Variants in TCHH observed in about 807,000 individuals in gnomAD.
TCHH encodes the protein trichohyalin.
TCHH carries 6 observed loss-of-function variants against 6.3 expected under a neutral mutation model. The ratio of observed to expected loss-of-function variants is 0.95; its 90% confidence interval spans 0.52 to 1.88. The LOEUF (loss-of-function observed/expected upper bound fraction) is 1.88. Among genes scored for constraint, TCHH ranks in the 40% most tolerant of loss-of-function variants. The pLI, the probability that TCHH is intolerant of heterozygous loss-of-function variation, is 0.01. For synonymous variants in TCHH, 1,087 were observed against 963.6 expected, an observed-to-expected ratio of 1.13 and a Z score of -2.37; for missense variants, 2,920 against 2,449.1, an observed-to-expected ratio of 1.19 and a Z score of -4.06.
rs1346452302 is a variant in TCHH, at chr1:152,107,351, G to T, written c.*34C>A. On this transcript the variant is annotated 3_prime_UTR_variant, in exon 3 of 3. Transcript: ENST00000614923. ...TGTTTCTCATTTTCCCGTGCTCGAA[G>T]CTTTGGCAGGTGTCAAGATATTGGC... The T allele has an allele frequency of 6.6e-7, 1 of 1,510,574 alleles. No homozygotes were observed. The highest frequency in any genetic ancestry group is 2.2e-5 in the Admixed American group (1 of 44,712). 93.6% of individuals were successfully genotyped at this position (1,510,574 alleles called of 1,614,324 possible).
rs564840679 is a variant in TCHH, at chr1:152,114,147, C to T, written c.-31-36G>A. 396 of 1,473,874 alleles carry T rather than the reference C, an allele frequency of 2.7e-4. 5 individuals are homozygous for T. The African/African-American group carries it at 5.0e-3, about 18-fold the overall frequency. The allele number at this position is 1,473,874 out of a possible 1,614,324, so 91.3% of individuals were successfully genotyped here. A position where few individuals can be genotyped will look rare whatever the true frequency, so the allele number is the denominator to read the frequency against. ...AAAATAAGATCCAGAATCAAAATCC[C>T]GTTTCTGCTTTTGGGAAGGCTTCAT... On this transcript the variant is annotated intron_variant, in intron 1 of 2. Transcript: ENST00000614923.
intron 2 of TCHH, among the ~76,000 whole-genome samples, chr1:152,113,513 T>C (rs909431784): frequency 7.2e-5 from 11 of 152,226 alleles, no homozygotes; most frequent in Non-Finnish European, 1.5e-4. Flanking sequence ...AATAGAAATT[T>C]ATGAGGATTT....
intron 1 of TCHH, among the ~76,000 whole-genome samples, chr1:152,115,002 C>T (rs1412690179): frequency 1.3e-5 from 2 of 152,196 alleles, no homozygotes; most frequent in African/African-American, 4.8e-5. Context: ...TAGCTGACTT[C>T]TTTATGTACT....
In TCHH at chr1:152,112,428, C is replaced by T. The variant is rs1658409390; in HGVS notation, c.789G>A (p.Glu263=). The stretch of plus-strand genomic sequence containing the variant: ...GGAGCTCTCTTTGCCGCTGCGGCTC[C>T]TCTTCCTGCAACTTCTCTTCTTCCT... ...LRKEEEKLQE[E]EPQRQRELQE... The change falls in exon 3 of 3, where the codon GAG becomes GAA. Residue 263 remains glutamate, a synonymous_variant. Transcript: ENST00000614923. The T allele has an allele frequency of 6.2e-7, 1 of 1,613,890 alleles. No individual in the cohort carries two copies. The highest frequency in any genetic ancestry group is 1.3e-5 in the African/African-American group (1 of 75,010).
rs185807166 is a variant in TCHH, at chr1:152,111,192, C to G, written c.2025G>C (p.Glu675Asp). ...EERLEQRLKR[E>D]HEEERREQEL... is the part of the protein sequence containing the mutation. Reference sequence around the variant, plus strand: ...CCTGCTCGCGCCTCTCTTCCTCATGCTCGCGCTTCAGCCGCTGCTCGAGCC... The same window carrying G: ...CCTGCTCGCGCCTCTCTTCCTCATGGTCGCGCTTCAGCCGCTGCTCGAGCC... The change falls in exon 3 of 3, where the codon GAG becomes GAC. Residue 675 changes from glutamate to aspartate, a missense_variant. Transcript: ENST00000614923. 6.2e-7 allele frequency: 1 copy of G among 1,611,558 alleles called. No individual in the cohort carries two copies.
chr1:152,112,295 G>T lies in TCHH; in HGVS notation c.922C>A (p.Arg308Ser), dbSNP rs1457861300. Residue 308 changes from arginine to serine, a missense_variant, in exon 3 of 3, where the codon CGC (arginine) becomes AGC (serine). Coordinates refer to ENST00000614923, the MANE Select transcript of TCHH (RefSeq NM_007113.4). ...TCGCGCCTCTCCTCCTCCTGCTTGCGCCTTAGTTGCTGCTCGCGCCTCAGC... is the reference window on the plus strand; with the variant it reads ...TCGCGCCTCTCCTCCTCCTGCTTGCTCCTTAGTTGCTGCTCGCGCCTCAGC... The part of the protein sequence containing the change: ...QRLRREQQLR[R>S]KQEEERREQQ... 7 of 1,605,750 alleles carry T rather than the reference G, an allele frequency of 4.4e-6. No individual in the cohort carries two copies. Among genetic ancestry groups the T allele is most frequent in the Admixed American group, 1.7e-5 (1 of 59,100 alleles).
rs754312050 is a variant in TCHH, at chr1:152,108,217, C to G, written c.5000G>C (p.Arg1667Thr). ...REQQLRHDRDRKFREEEQLLQ... is the reference protein window; with the variant it reads ...REQQLRHDRDTKFREEEQLLQ... ...CAGCTGTTCCTCTTCACGGAATTTT[C>G]TGTCGCGGTCGTGACGCAGCTGTTG... Residue 1667 changes from arginine to threonine, a missense_variant, in exon 3 of 3, where the codon AGA becomes ACA. Arg to Thr is a moderately conservative substitution (Grantham distance 71, BLOSUM62 -1). Transcript: ENST00000614923. The G allele has an allele frequency of 4.4e-6, 7 of 1,607,894 alleles. No homozygotes were observed. The South Asian group carries it at 6.6e-5, about 15-fold the overall frequency.
rs748007207 is a variant in TCHH, at chr1:152,111,913, T to C, written c.1304A>G (p.Glu435Gly). The C allele has an allele frequency of 8.2e-6, 13 of 1,587,852 alleles. No homozygotes were observed. The South Asian group carries it at 1.2e-4, about 15-fold the overall frequency. ...GCGCCTCTCCTGCTCGTGCTTCTGC[T>C]CGTGCCTCTCCTCCTCCTGCTCGCG... ...LRREQEEERH[E>G]QKHEQERREQ... The change falls in exon 3 of 3, where the codon GAG becomes GGG. Residue 435 changes from glutamate to glycine, a missense_variant. Transcript: ENST00000614923.
chr1:152,107,137 G>T lies in TCHH; in HGVS notation c.*248C>A. The T allele has an allele frequency of 5.4e-6, 2 of 372,670 alleles. No individual in the cohort carries two copies. The highest frequency in any genetic ancestry group is 4.8e-6 in the Non-Finnish European group (1 of 209,980). The allele number at this position is 372,670 out of a possible 1,614,324, so 23.1% of individuals were successfully genotyped here. On this transcript the variant is annotated 3_prime_UTR_variant, in exon 3 of 3. Coordinates refer to ENST00000614923, the MANE Select transcript of TCHH (RefSeq NM_007113.4). Reference sequence around the variant, plus strand: ...TAAATGATTTATATTTTTTTTAAATGCACACCACATCTGCATCAAAGAGCA... The same window carrying T: ...TAAATGATTTATATTTTTTTTAAATTCACACCACATCTGCATCAAAGAGCA...
chr1:152,107,675 C>G lies in TCHH; in HGVS notation c.5542G>C (p.Glu1848Gln), dbSNP rs765041217. The G allele has an allele frequency of 1.9e-6, 3 of 1,612,982 alleles. No individual in the cohort carries two copies. The highest frequency in any genetic ancestry group is 2.5e-6 in the Non-Finnish European group (3 of 1,180,034). ...RQERDRQYRA[E>Q]EQFATQEKSR... ...TTCTCCTGCGTGGCAAACTGCTCCT[C>G]CGCCCGGTACTGCCGGTCTCGCTCC... The change falls in exon 3 of 3, where the codon GAG becomes CAG. Residue 1848 changes from glutamate (E) to glutamine (Q), a missense_variant. Glu to Gln is a conservative substitution (Grantham distance 29, BLOSUM62 2). Coordinates refer to ENST00000614923, the MANE Select transcript of TCHH (RefSeq NM_007113.4).
rs908707650 is a variant in TCHH, at chr1:152,114,257, A to C, written c.-31-146T>G. The C allele has an allele frequency of 5.0e-6, 3 of 596,972 alleles. No homozygotes were observed. In the African/African-American group the frequency reaches 5.7e-5, roughly 11 times the overall value. 37.0% of individuals were successfully genotyped at this position (596,972 alleles called of 1,614,324 possible). ...GACTTTCAGAGCACTTTAATATTTGAATATTGTATCAGAAAGAGAAAGAGC... is the reference window on the plus strand; with the variant it reads ...GACTTTCAGAGCACTTTAATATTTGCATATTGTATCAGAAAGAGAAAGAGC... On this transcript the variant is annotated intron_variant, in intron 1 of 2. Transcript: ENST00000614923.
In TCHH at chr1:152,109,721, G is replaced by C. The variant is rs1658252889; in HGVS notation, c.3496C>G (p.Leu1166Val). ...TCTTCCTCGCGGTATTGCCTCTCCAGCTCCTGGCGCCTTCTCTTCTCCGGT... is the reference window on the plus strand; with the variant it reads ...TCTTCCTCGCGGTATTGCCTCTCCACCTCCTGGCGCCTTCTCTTCTCCGGT... ...EEPEKRRRQE[L>V]ERQYREEEEL... Residue 1166 changes from leucine to valine, a missense_variant, in exon 3 of 3, where the codon CTG becomes GTG. Coordinates refer to ENST00000614923, the MANE Select transcript of TCHH (RefSeq NM_007113.4). The C allele has an allele frequency of 6.2e-7, 1 of 1,603,976 alleles. No homozygotes were observed. The highest frequency in any genetic ancestry group is 8.5e-7 in the Non-Finnish European group (1 of 1,176,552).
rs745684149 is a variant in TCHH at position 152,112,623 on chromosome 1, A to G, written c.594T>C (p.Gly198=). 6.0e-5 allele frequency: 96 copies of G among 1,612,708 alleles called. No homozygotes were observed. The highest frequency in any genetic ancestry group is 8.0e-5 in the Non-Finnish European group (94 of 1,179,790). The change falls in exon 3 of 3, where the codon GGT becomes GGC. Residue 198 remains glycine, a synonymous_variant. Coordinates refer to ENST00000614923, the MANE Select transcript of TCHH (RefSeq NM_007113.4). ...AEEEQLQSCK[G]HETEEFPDEE... ...CGTCTGGAAACTCCTCAGTTTCGTGACCTTTGCAACTCTGCAGCTGCTCTT... is the reference window on the plus strand; with the variant it reads ...CGTCTGGAAACTCCTCAGTTTCGTGGCCTTTGCAACTCTGCAGCTGCTCTT...
rs756129188 is a variant in TCHH, at chr1:152,107,767, C to G, written c.5450G>C (p.Arg1817Pro). 8.1e-6 allele frequency: 13 copies of G among 1,614,228 alleles called. No homozygotes were observed. Among genetic ancestry groups the G allele is most frequent in the Non-Finnish European group, 1.1e-5 (13 of 1,180,052 alleles). ...REEQQLRPQQRDGKYRWEEEQ... is the reference protein window; with the variant it reads ...REEQQLRPQQPDGKYRWEEEQ... ...TTCTTCCCAGCGATACTTTCCGTCA[C>G]GCTGTTGGGGGCGCAGCTGCTGTTC... Residue 1817 changes from arginine to proline, a missense_variant, in exon 3 of 3, where the codon CGT becomes CCT. Arg to Pro is a moderately radical substitution (Grantham distance 103). Coordinates refer to ENST00000614923, the MANE Select transcript of TCHH (RefSeq NM_007113.4).
rs778428939 is a variant in TCHH at position 152,110,212 on chromosome 1, T to C, written c.3005A>G (p.Gln1002Arg). The C allele has an allele frequency of 1.2e-6, 2 of 1,609,382 alleles. No individual in the cohort carries two copies. The highest frequency in any genetic ancestry group is 4.5e-5 in the East Asian group (2 of 44,432). ...CTTCTCCCGTTCCTCTCTCAGCAGC[T>C]GCTCTTCCTCCTGCTGCAACTCCTC... ...EEEELQQEEE[Q>R]LLREEREKRR... Residue 1002 changes from glutamine to arginine, a missense_variant, in exon 3 of 3, where the codon CAG (glutamine) becomes CGG (arginine). Physicochemically the swap from Gln to Arg is conservative, Grantham distance 43 (BLOSUM62 1). Coordinates refer to ENST00000614923, the MANE Select transcript of TCHH (RefSeq NM_007113.4).
chr1:152,113,829 A>T, intron 2 of TCHH, 114 bp downstream of exon 2: 1 of 1,223,754 alleles, frequency 8.2e-7, no homozygotes, highest in Non-Finnish European at 1.1e-6. Context: ...GATGTAGTGT[A>T]GACCTGTTGT....
At position 152,110,817 on chromosome 1, in the gene TCHH, G is replaced by C. The variant is rs1293496972; in HGVS notation, c.2400C>G (p.Ala800=). 3 of 1,607,394 alleles carry C rather than the reference G, an allele frequency of 1.9e-6. No individual in the cohort carries two copies. The Admixed American group carries it at 5.0e-5, about 27-fold the overall frequency. Residue 800 remains alanine (A), a synonymous_variant, in exon 3 of 3, where the codon GCC becomes GCG. Coordinates refer to ENST00000614923, the MANE Select transcript of TCHH (RefSeq NM_007113.4). ...GTTGTTCCCGCTGCTGGCGCTCCTCGGCCCTCAGCTGCCTCTCCCGCTGCT... is the reference window on the plus strand; with the variant it reads ...GTTGTTCCCGCTGCTGGCGCTCCTCCGCCCTCAGCTGCCTCTCCCGCTGCT... ...LREQRERQLR[A]EERQQREQRF...
At position 152,109,618 on chromosome 1, in the gene TCHH, C is replaced by T. The variant is rs377390478; in HGVS notation, c.3599G>A (p.Arg1200Gln). 6 of 1,614,062 alleles carry T rather than the reference C, an allele frequency of 3.7e-6. No homozygotes were observed. Among genetic ancestry groups the T allele is most frequent in the East Asian group, 2.2e-5 (1 of 44,886 alleles). ...CTGGCGCTGAAGCTCTTCCTCCTCC[C>T]GATACTGCCTCTCCCGCTCCTGGCG... ...KRRQERERQY[R>Q]EEEELQRQKR... The change falls in exon 3 of 3, where the codon CGG becomes CAG. Residue 1200 changes from arginine to glutamine, a missense_variant. By Grantham distance (43) the Arg-to-Gln change is conservative (BLOSUM62 1). Coordinates refer to ENST00000614923, the MANE Select transcript of TCHH (RefSeq NM_007113.4).
Position 152,113,590 on chromosome 1 carries a change from A to G in TCHH, c.138+353T>C, listed in dbSNP as rs1245130800. On this transcript the variant is annotated intron_variant, in intron 2 of 2. Coordinates refer to ENST00000614923, the MANE Select transcript of TCHH (RefSeq NM_007113.4). ...TGGTTTCTATTCCATATTAGAAAAC[A>G]GAACAAAACATTTACGGGTAGCACC... 2.6e-5 allele frequency among the ~76,000 whole-genome samples: 4 copies of G among 152,356 alleles called. No individual in the cohort carries two copies. The East Asian group carries it at 5.8e-4, about 22-fold the overall frequency.
Sources: gnomAD v4.1 joint callset for allele counts (sites outside exome capture counted in the v4.1 genomes callset) on GRCh38, gnomAD v4.1.1 for gene constraint, MANE v1.5 for transcripts, NCBI Gene and HGNC (gene_info 2026-07-23, HGNC 2026-07-21) for gene names.